Variants in TMTC1 observed in about 807,000 individuals in gnomAD.
TMTC1 encodes the protein protein O-mannosyl-transferase TMTC1.
TMTC1 carries 73 observed loss-of-function variants against 104.8 expected under a neutral mutation model. That is an observed-to-expected ratio of 0.70 (90% CI 0.58 to 0.85). The LOEUF (loss-of-function observed/expected upper bound fraction) is 0.85. TMTC1 is among the 40% of genes least tolerant of loss of function. The probability of loss-of-function intolerance (pLI) is 0.00; values close to 1 mark genes in which losing one functional copy is unlikely to be tolerated. For missense variants in TMTC1, 1,035 were observed against 1,096.1 expected (o/e 0.94, Z 0.79); for synonymous variants, 434 against 428.7 (o/e 1.01, Z -0.15).
At chr12:29,746,503 T>C (rs1942959463) in intron 5 of TMTC1, among the ~76,000 whole-genome samples, 1 of 152,162 alleles carries the variant, frequency 6.6e-6, no homozygotes, top group Admixed American at 6.5e-5. Context: ...ACGTGTGACA[T>C]AAAAGTTCAA....
intron 5 of TMTC1, among the ~76,000 whole-genome samples, chr12:29,740,429 C>G (rs535360100): frequency 6.6e-6 from 1 of 152,254 alleles, no homozygotes; most frequent in South Asian, 2.1e-4. Flanking sequence ...AGCCTAGCCT[C>G]TCAGCCTACA....
rs1295281873 is a variant in TMTC1, at chr12:29,783,626, G to A, written c.126C>T (p.Gly42=). 1.6e-5 allele frequency: 24 copies of A among 1,454,682 alleles called. No individual in the cohort carries two copies. Among genetic ancestry groups the A allele is most frequent in the Non-Finnish European group, 2.2e-5 (24 of 1,105,242 alleles). The allele number at this position is 1,454,682 out of a possible 1,614,324, so 90.1% of individuals were successfully genotyped here. Residue 42 remains glycine, a synonymous_variant, in exon 1 of 18, where the codon GGC becomes GGT. Coordinates refer to ENST00000539277, the MANE Select transcript of TMTC1 (RefSeq NM_001193451.2). The surrounding 1 kb of genome is among the most constrained non-coding windows in gnomAD (Gnocchi z 4.7). ...GCACGAACTCGCCCTGCAGGGAGCG[G>A]CCGTAGCACAGGCAGCTTGCCCCGG... The part of the protein sequence containing the change: ...LLAGASCLCY[G]RSLQGEFVHD...
chr12:29,590,613 T>C (rs986338629), intron 7 of TMTC1, among the ~76,000 whole-genome samples: 1 of 152,112 alleles, frequency 6.6e-6, no homozygotes, highest in Non-Finnish European at 1.5e-5. Flanking sequence ...GGTGAAACCC[T>C]GTCTCTACTA....
chr12:29,732,763 T>C (rs1159642033), intron 5 of TMTC1, among the ~76,000 whole-genome samples: 3 of 152,186 alleles, frequency 2.0e-5, no homozygotes, highest in South Asian at 2.1e-4. Flanking sequence ...CAGAGTGACA[T>C]AACAAATCAC....
At chr12:29,679,584 C>T (rs1429315341) in intron 5 of TMTC1, among the ~76,000 whole-genome samples, 1 of 151,972 alleles carries the variant, frequency 6.6e-6, no homozygotes. Context: ...AGTGATGATG[C>T]TAATATACTG....
At chr12:29,570,381 CCA>C in intron 9 of TMTC1, among the ~76,000 whole-genome samples, 1 of 152,136 alleles carries the variant, frequency 6.6e-6, no homozygotes, top group South Asian at 2.1e-4. Context: ...AAACTGTCTT[CCA>C]ATGAAAGAAT....
chr12:29,537,063 C>T (rs1944665806), intron 10 of TMTC1, among the ~76,000 whole-genome samples: 1 of 152,150 alleles, frequency 6.6e-6, no homozygotes. Flanking sequence ...GGTCATTATG[C>T]TGATATCAAT....
intron 16 of TMTC1, among the ~76,000 whole-genome samples, chr12:29,513,365 TAA>T (rs1189694083): frequency 8.5e-5 from 13 of 152,072 alleles, no homozygotes; most frequent in Admixed American, 7.9e-4. Flanking sequence ...TATTCACAAT[TAA>T]GTTATTAATA....
At chr12:29,778,216 G>A (rs1943756360) in intron 1 of TMTC1, among the ~76,000 whole-genome samples, 1 of 152,114 alleles carries the variant, frequency 6.6e-6, no homozygotes, top group African/African-American at 2.4e-5. Flanking sequence ...AACACACAGA[G>A]AAAGAATCAG....
chr12:29,781,317 T>C (rs1943831032), intron 1 of TMTC1, among the ~76,000 whole-genome samples: 1 of 152,204 alleles, frequency 6.6e-6, no homozygotes, highest in South Asian at 2.1e-4. Context: ...GCATATAATA[T>C]ACAGCAAGCC....
At chr12:29,582,284 CT>C (rs748671834) in intron 8 of TMTC1, among the ~76,000 whole-genome samples, 2 of 152,178 alleles carry the variant, frequency 1.3e-5, no homozygotes, top group Non-Finnish European at 2.9e-5. Context: ...TCTTACAGTG[CT>C]TGGATTTCCT....
chr12:29,545,851 C>T (rs987309796), intron 10 of TMTC1, among the ~76,000 whole-genome samples: 1 of 152,036 alleles, frequency 6.6e-6, no homozygotes, highest in African/African-American at 2.4e-5. Context: ...ATAGTTAAAG[C>T]TTATTTCATC....
At chr12:29,678,800 C>A (rs1940816449) in intron 5 of TMTC1, among the ~76,000 whole-genome samples, 2 of 152,086 alleles carry the variant, frequency 1.3e-5, no homozygotes, top group South Asian at 4.1e-4. Flanking sequence ...ACAAACACTA[C>A]ATTAAAAAAA....
intron 6 of TMTC1, among the ~76,000 whole-genome samples, chr12:29,623,341 T>C (rs1035680962): frequency 1.8e-4 from 27 of 152,190 alleles, no homozygotes; most frequent in African/African-American, 6.3e-4. Context: ...GAAATGTTAA[T>C]AAAATGCAAA....
chr12:29,713,104 A>G (rs1450940131), intron 5 of TMTC1, among the ~76,000 whole-genome samples: 2 of 151,982 alleles, frequency 1.3e-5, no homozygotes, highest in Non-Finnish European at 2.9e-5. Flanking sequence ...GTCCCCCAAG[A>G]AAAAAGGAAT....
In TMTC1 at chr12:29,614,145, CA is replaced by C. The variant is rs1442251558; in HGVS notation, c.1129-9847del. Among the ~76,000 whole-genome samples the C allele has an allele frequency of 2.0e-5, 3 of 152,124 alleles. No individual in the cohort carries two copies. The East Asian group carries it at 5.8e-4, about 29-fold the overall frequency. ...TTAAGGATACTACACATGAATATAA[CA>C]AGAAGTGTAGTAACTCTTAAGAGGT... is the stretch of plus-strand genomic sequence containing the variant. On this transcript the variant is annotated intron_variant, in intron 6 of 17. Transcript: ENST00000539277.
At chr12:29,511,586 C>A (rs138034414) in intron 17 of TMTC1, among the ~76,000 whole-genome samples, 2 of 152,198 alleles carry the variant, frequency 1.3e-5, no homozygotes, top group African/African-American at 4.8e-5. Context: ...AACAAGTTTG[C>A]TTTCCAGTAA....
rs1362887930 is a variant in TMTC1 at position 29,506,668 on chromosome 12, T to C, written c.*178A>G. The C allele has an allele frequency of 4.3e-6, 3 of 690,748 alleles. No individual in the cohort carries two copies. Among genetic ancestry groups the C allele is most frequent in the Non-Finnish European group, 7.3e-6 (3 of 413,608 alleles). The allele number at this position is 690,748 out of a possible 1,614,324, so 42.8% of individuals were successfully genotyped here. A position where few individuals can be genotyped will look rare whatever the true frequency, so the allele number is the denominator to read the frequency against. On this transcript the variant is annotated 3_prime_UTR_variant, in exon 18 of 18. Transcript: ENST00000539277. ...TTGTTTGCTGTTTTCGTCTTCTTCATGGAAAAGCAAGTCCTTCAGCACTGG... is the reference window on the plus strand; with the variant it reads ...TTGTTTGCTGTTTTCGTCTTCTTCACGGAAAAGCAAGTCCTTCAGCACTGG...
intron 10 of TMTC1, among the ~76,000 whole-genome samples, chr12:29,546,808 G>A (rs534824760): frequency 1.9e-4 from 29 of 152,260 alleles, no homozygotes; most frequent in South Asian, 4.1e-4. Context: ...CTTCAGCCCA[G>A]GAGTTTGGAA....
Sources: gnomAD v4.1 joint callset for allele counts (sites outside exome capture counted in the v4.1 genomes callset) on GRCh38, gnomAD v4.1.1 for gene constraint, Gnocchi (gnomAD v3.1) non-coding constraint, MANE v1.5 for transcripts, NCBI Gene and HGNC (gene_info 2026-07-23, HGNC 2026-07-21) for gene names.